The following ZSCAN1 variants were observed in gnomAD, a reference collection of about 807,000 sequenced individuals.
ZSCAN1 encodes zinc finger and SCAN domain containing 1, also known as zinc finger and SCAN domain-containing protein 1.
In ZSCAN1, 23 loss-of-function variants were observed where a neutral mutation model predicts 23.8. That is an observed-to-expected ratio of 0.97 (90% CI 0.70 to 1.37). The LOEUF is 1.37. Among genes scored for constraint, ZSCAN1 ranks in the 40% most tolerant of loss-of-function variants. The pLI, the probability that ZSCAN1 is intolerant of heterozygous loss-of-function variation, is 0.00. For synonymous variants in ZSCAN1, 236 were observed against 232.3 expected, an observed-to-expected ratio of 1.02 and a Z score of -0.15; for missense variants, 575 against 554.0, an observed-to-expected ratio of 1.04 and a Z score of -0.38.
intron 1 of ZSCAN1, chr19:58,035,647 A>AT (rs1258712065): frequency 2.0e-5 from 3 of 152,240 alleles, no homozygotes; most frequent in Non-Finnish European, 4.4e-5. Context: ...ATAAGAGAGC[A>AT]TTTTTGCCTG....
In ZSCAN1 at chr19:58,046,696, G is replaced by A. The variant is rs188364716; in HGVS notation, c.466-5794G>A. On this transcript the variant is annotated intron_variant, in intron 4 of 5. Transcript: ENST00000282326. ...CACCAGTCAGGTGGCCGAGATTGTAGCAACACTGGAAAAAGAGGAGAAAGG... is the reference window on the plus strand; with the variant it reads ...CACCAGTCAGGTGGCCGAGATTGTAACAACACTGGAAAAAGAGGAGAAAGG... 6.4e-5 allele frequency: 55 copies of A among 859,914 alleles called. No homozygotes were observed. In the Admixed American group the frequency reaches 7.0e-4, roughly 11 times the overall value. 53.3% of individuals were successfully genotyped at this position (859,914 alleles called of 1,614,324 possible).
Position 58,044,318 on chromosome 19 carries a change from T to C in ZSCAN1, c.465+3774T>C, listed in dbSNP as rs79288769. Among the ~76,000 whole-genome samples the C allele has an allele frequency of 2.9e-3, 442 of 151,690 alleles. 3 individuals are homozygous for C. The highest frequency in any genetic ancestry group is 9.3e-3 in the African/African-American group (385 of 41,448). ...ACAACCTGTGTCATTTTAAAATAAA[T>C]AAATGATACATCATTATCCCACAGA... On this transcript the variant is annotated intron_variant, in intron 4 of 5. Coordinates refer to ENST00000282326, the MANE Select transcript of ZSCAN1 (RefSeq NM_182572.4).
chr19:58,045,202 T>C lies in ZSCAN1; in HGVS notation c.465+4658T>C. ...CAGTTGCTCCGGTTCTGTGCCGACC[T>C]CTTCCGCCTGGTGCCGTTCCTCCTG... On this transcript the variant is annotated intron_variant, in intron 4 of 5. Coordinates refer to ENST00000282326, the MANE Select transcript of ZSCAN1 (RefSeq NM_182572.4). This position sits in a 1 kb window ranked among gnomAD's most constrained non-coding sequence, Gnocchi z 4.3. The C allele has an allele frequency of 1.1e-6, 1 of 876,548 alleles. No homozygotes were observed. The allele number at this position is 876,548 out of a possible 1,614,324, so 54.3% of individuals were successfully genotyped here.
rs1019392503 is a variant in ZSCAN1, at chr19:58,040,717, G to A, written c.465+173G>A. Among the ~76,000 whole-genome samples, 1 of 152,192 alleles carries A rather than the reference G, an allele frequency of 6.6e-6. No homozygotes were observed. The highest frequency in any genetic ancestry group is 2.4e-5 in the African/African-American group (1 of 41,436). ...CCCACAGATTCCCCAAGCTTCCTGG[G>A]GCTCAGTGCTGGGCGAGGGCAGTCA... On this transcript the variant is annotated intron_variant, in intron 4 of 5. Coordinates refer to ENST00000282326, the MANE Select transcript of ZSCAN1 (RefSeq NM_182572.4). This position sits in a 1 kb window ranked among gnomAD's most constrained non-coding sequence, Gnocchi z 5.8.
intron 1 of ZSCAN1, among the ~76,000 whole-genome samples, chr19:58,035,139 TACCAAAGTAG>T (rs1256737738): frequency 2.6e-5 from 4 of 151,964 alleles, no homozygotes; most frequent in Non-Finnish European, 4.4e-5. Context: ...CAGAGACCCC[TACCAAAGTAG>T]ACTTCTAGGA....
At chr19:58,055,666 T>G (rs769002319), downstream of ZSCAN1, among the ~76,000 whole-genome samples, 2 of 152,208 alleles carry the variant, frequency 1.3e-5, no homozygotes, top group African/African-American at 4.8e-5. Context: ...TGTGTAGAGA[T>G]AGCTCTCCCG....
chr19:58,047,186 G>GGCCCC lies in ZSCAN1; in HGVS notation c.466-5303_466-5299dup, dbSNP rs1164430967. ...TCAGAGGCGTCAGGAGACACAGCCT[G>GGCCCC]GCCCCCTCAGGGCTGAAGATGCCTC... is the stretch of plus-strand genomic sequence containing the variant. On this transcript the variant is annotated intron_variant, in intron 4 of 5. Transcript: ENST00000282326. The surrounding 1 kb of genome is among the most constrained non-coding windows in gnomAD (Gnocchi z 4.9). Among the ~76,000 whole-genome samples the GGCCCC allele has an allele frequency of 8.5e-5, 13 of 152,212 alleles. No individual in the cohort carries two copies. Among genetic ancestry groups the GGCCCC allele is most frequent in the African/African-American group, 2.7e-4 (11 of 41,460 alleles).
At chr19:58,034,565 G>A (rs1057219543) in intron 1 of ZSCAN1, among the ~76,000 whole-genome samples, 1 of 151,710 alleles carries the variant, frequency 6.6e-6, no homozygotes, top group Admixed American at 6.6e-5. Flanking sequence ...TCAGCATCCC[G>A]GGACCTATCT....
chr19:58,054,147 C>T lies in ZSCAN1; in HGVS notation c.*96C>T. 2 of 1,406,490 alleles carry T rather than the reference C, an allele frequency of 1.4e-6. No homozygotes were observed. Among genetic ancestry groups the T allele is most frequent in the Non-Finnish European group, 1.9e-6 (2 of 1,075,080 alleles). 87.1% of individuals were successfully genotyped at this position (1,406,490 alleles called of 1,614,324 possible). The stretch of plus-strand genomic sequence containing the variant: ...GGGACATCCCCCAGCCCCACCAACC[C>T]CTGGCCACCTTGGGACTCCTCTTGA... On this transcript the variant is annotated 3_prime_UTR_variant, in exon 6 of 6. Coordinates refer to ENST00000282326, the MANE Select transcript of ZSCAN1 (RefSeq NM_182572.4). This position sits in a 1 kb window ranked among gnomAD's most constrained non-coding sequence, Gnocchi z 4.2.
chr19:58,050,085 TTTCC>T (rs2073849638), intron 4 of ZSCAN1, among the ~76,000 whole-genome samples: 1 of 147,050 alleles, frequency 6.8e-6, no homozygotes, highest in African/African-American at 2.4e-5. Context: ...CGCTCCACTC[TTTCC>T]TTTTTTTTTT....
intron 3 of ZSCAN1, among the ~76,000 whole-genome samples, chr19:58,039,627 C>A (rs953587228): frequency 2.0e-5 from 3 of 152,102 alleles, no homozygotes; most frequent in Non-Finnish European, 2.9e-5. Context: ...ATTAGCCGGG[C>A]GTGGTGGCGC....
rs568553740 is a variant in ZSCAN1 at position 58,047,137 on chromosome 19, C to G, written c.466-5353C>G. Among the ~76,000 whole-genome samples the G allele has an allele frequency of 6.6e-6, 1 of 152,204 alleles. No individual in the cohort carries two copies. The highest frequency in any genetic ancestry group is 1.5e-5 in the Non-Finnish European group (1 of 68,044). Reference sequence around the variant, plus strand: ...GAGGACCACATGGACTCTGCCCACACGGAGCTGGCTGCTACGCCCACCCTC... The same window carrying G: ...GAGGACCACATGGACTCTGCCCACAGGGAGCTGGCTGCTACGCCCACCCTC... On this transcript the variant is annotated intron_variant, in intron 4 of 5. Transcript: ENST00000282326. The surrounding 1 kb of genome is among the most constrained non-coding windows in gnomAD (Gnocchi z 4.9).
At chr19:58,048,229 A>G (rs1194372748) in intron 4 of ZSCAN1, among the ~76,000 whole-genome samples, 1 of 152,220 alleles carries the variant, frequency 6.6e-6, no homozygotes, top group East Asian at 1.9e-4. Context: ...TTTGTTTTAG[A>G]TCCTTAATAT....
At chr19:58,038,866 G>C (rs1051469542) in intron 3 of ZSCAN1, among the ~76,000 whole-genome samples, 6 of 152,230 alleles carry the variant, frequency 3.9e-5, no homozygotes, top group African/African-American at 1.4e-4. Flanking sequence ...GGCAGCCACG[G>C]ATGGTGAGAG....
At position 58,037,938 on chromosome 19, in the gene ZSCAN1, C is replaced by T. The variant is rs746559873; in HGVS notation, c.102C>T (p.Thr34=). Residue 34 remains threonine (T), a synonymous_variant, in exon 3 of 6, where the codon ACC becomes ACT. Transcript: ENST00000282326. ...ADPGPASPRD[T]EAQRLRFRQF... The stretch of plus-strand genomic sequence containing the variant: ...CTGGGCCAGCAAGCCCCAGGGACAC[C>T]GAAGCCCAGCGTCTGCGCTTCCGGC... 3 of 1,603,096 alleles carry T rather than the reference C, an allele frequency of 1.9e-6. No homozygotes were observed. The highest frequency in any genetic ancestry group is 1.7e-5 in the Admixed American group (1 of 59,898).
At position 58,038,102 on chromosome 19, in the gene ZSCAN1, CG is replaced by C. The variant is rs776923960; in HGVS notation, c.267del (p.Leu90CysfsTer70). The C allele has an allele frequency of 6.2e-7, 1 of 1,611,068 alleles. No homozygotes were observed. The highest frequency in any genetic ancestry group is 1.7e-5 in the Admixed American group (1 of 59,948). On this transcript the variant is annotated frameshift_variant, in exon 3 of 6. Transcript: ENST00000282326. LOFTEE classifies it high-confidence loss of function. Reference sequence around the variant, plus strand: ...CTGGTGCTGGAGCAGTTCCTGGGCGCGCTGCCCAGCAAGATGCGGACCTGGG... The same window carrying C: ...CTGGTGCTGGAGCAGTTCCTGGGCGCCTGCCCAGCAAGATGCGGACCTGGG... ...ELLVLEQFLG[A>X]LPSKMRTWVQ...
In ZSCAN1 at chr19:58,037,978, G is replaced by C. The variant is rs1207629543; in HGVS notation, c.142G>C (p.Val48Leu). 1 of 1,607,158 alleles carries C rather than the reference G, an allele frequency of 6.2e-7. No homozygotes were observed. The highest frequency in any genetic ancestry group is 8.5e-7 in the Non-Finnish European group (1 of 1,179,356). ...RLRFRQFQYH[V>L]ASGPHLALGQ... Reference sequence around the variant, plus strand: ...GCGCTTCCGGCAGTTCCAGTACCACGTGGCGAGCGGGCCGCACCTCGCGCT... The same window carrying C: ...GCGCTTCCGGCAGTTCCAGTACCACCTGGCGAGCGGGCCGCACCTCGCGCT... The change falls in exon 3 of 6, where the codon GTG becomes CTG. Residue 48 changes from valine (V) to leucine (L), a missense_variant. Physicochemically the swap from Val to Leu is conservative, Grantham distance 32. Transcript: ENST00000282326.
At chr19:58,039,232 ACT>A (rs1379770116) in intron 3 of ZSCAN1, among the ~76,000 whole-genome samples, 7 of 151,964 alleles carry the variant, frequency 4.6e-5, no homozygotes, top group African/African-American at 1.2e-4. Context: ...GGCCCTTTGA[ACT>A]CTCTGATCCT....
At chr19:58,041,437 C>A (rs7247825) in intron 4 of ZSCAN1, among the ~76,000 whole-genome samples, 1 of 152,328 alleles carries the variant, frequency 6.6e-6, no homozygotes, top group South Asian at 2.1e-4. Context: ...GGCACTACAC[C>A]CAGCACAAAC....
Sources: gnomAD v4.1 joint callset for allele counts (sites outside exome capture counted in the v4.1 genomes callset) on GRCh38, gnomAD v4.1.1 for gene constraint, Gnocchi (gnomAD v3.1) non-coding constraint, MANE v1.5 for transcripts, NCBI Gene and HGNC (gene_info 2026-07-23, HGNC 2026-07-21) for gene names.